CFAP69: variants seen among roughly 807,000 people sequenced by gnomAD.
CFAP69 encodes cilia- and flagella-associated protein 69.
Under a neutral mutation model 123.0 loss-of-function variants are expected in CFAP69, and 92 were observed. The observed-to-expected ratio is 0.75, with a 90% CI of 0.63 to 0.89. The LOEUF (loss-of-function observed/expected upper bound fraction) is 0.89, where lower values mean the gene tolerates loss of function less well. Ranked by LOEUF, CFAP69 falls within the 40% of genes least tolerant of loss-of-function variation. The probability of loss-of-function intolerance (pLI) is 0.00; values close to 1 mark genes in which losing one functional copy is unlikely to be tolerated. For synonymous variants in CFAP69, 380 were observed against 364.3 expected (o/e 1.04, Z -0.49); for missense variants, 1,067 against 1,096.9 (o/e 0.97, Z 0.39).
At chr7:90,316,104 A>G in the CFAP69 span, among the ~76,000 whole-genome samples, 3 of 152,264 alleles carry the variant, frequency 2.0e-5, no homozygotes, top group African/African-American at 7.2e-5. Context: ...CAAAAAAAGA[A>G]AAAATAAAGA....
chr7:90,262,547 T>C (rs975215421), intron 4 of CFAP69, among the ~76,000 whole-genome samples: 1 of 152,114 alleles, frequency 6.6e-6, no homozygotes, highest in East Asian at 1.9e-4. Context: ...AGATAAGAAT[T>C]GTAAAATTAA....
intron 16 of CFAP69, among the ~76,000 whole-genome samples, chr7:90,298,435 C>T (rs192062558): frequency 3.3e-5 from 5 of 152,076 alleles, no homozygotes; most frequent in Admixed American, 1.3e-4. Context: ...TGGGAGGAAA[C>T]GTACAATTTT....
In CFAP69 at chr7:90,282,990, G is replaced by C; in HGVS notation, c.1471G>C (p.Val491Leu). The C allele has an allele frequency of 6.3e-7, 1 of 1,594,874 alleles. No individual in the cohort carries two copies. The highest frequency in any genetic ancestry group is 8.5e-7 in the Non-Finnish European group (1 of 1,171,496). Reference sequence around the variant, plus strand: ...CAGTTTAAGACTCCTGAGAGCCGTGGTCTACCTTGAAGATGAGACTGTAAA... The same window carrying C: ...CAGTTTAAGACTCCTGAGAGCCGTGCTCTACCTTGAAGATGAGACTGTAAA... ...RYSLRLLRAV[V>L]YLEDETVNKD... The change falls in exon 13 of 23, where the codon GTC becomes CTC. Residue 491 changes from valine (V) to leucine (L), a missense_variant. Coordinates refer to ENST00000389297, the MANE Select transcript of CFAP69 (RefSeq NM_001039706.3).
chr7:90,286,221 A>T, intron 13 of CFAP69, 60 bp from the exon 14 acceptor site: 1 of 1,364,676 alleles, frequency 7.3e-7, no homozygotes, highest in South Asian at 1.5e-5. Context: ...CCAAACAGTA[A>T]TTGATCAAAA....
At chr7:90,293,530 A>G (rs1268502368) in intron 15 of CFAP69, among the ~76,000 whole-genome samples, 2 of 152,138 alleles carry the variant, frequency 1.3e-5, no homozygotes, top group African/African-American at 2.4e-5. Flanking sequence ...ACTTGCTTAA[A>G]CCTTCAGCTT....
intron 15 of CFAP69, among the ~76,000 whole-genome samples, chr7:90,291,439 C>G (rs17861291): frequency 8.0e-4 from 122 of 152,162 alleles, no homozygotes; most frequent in African/African-American, 2.8e-3. Flanking sequence ...TGTTTTATCC[C>G]CAAGGTCTTC....
Position 90,245,439 on chromosome 7 carries a change from A to G in CFAP69, c.15A>G (p.Glu5=). 6.4e-7 allele frequency: 1 copy of G among 1,560,122 alleles called. No homozygotes were observed. Among genetic ancestry groups the G allele is most frequent in the South Asian group, 1.2e-5 (1 of 86,016 alleles). ...CGCCACCGGCCATGTGGACAGAGGAAGCCGGGGCGACCGCCGAGGCCCAGG... is the reference window on the plus strand; with the variant it reads ...CGCCACCGGCCATGTGGACAGAGGAGGCCGGGGCGACCGCCGAGGCCCAGG... MWTE[E]AGATAEAQES... is the part of the protein sequence containing the mutation. The change falls in exon 1 of 23, where the codon GAA becomes GAG. Residue 5 remains glutamate, a synonymous_variant. Coordinates refer to ENST00000389297, the MANE Select transcript of CFAP69 (RefSeq NM_001039706.3).
intron 15 of CFAP69, among the ~76,000 whole-genome samples, chr7:90,293,199 G>C (rs1411405576): frequency 6.6e-6 from 1 of 152,102 alleles, no homozygotes; most frequent in Non-Finnish European, 1.5e-5. Context: ...AATGCTTCCT[G>C]TATGATGTTT....
chr7:90,304,322 C>T, intron 18 of CFAP69: 1 of 1,281,144 alleles, frequency 7.8e-7, no homozygotes, highest in Non-Finnish European at 9.8e-7. Context: ...TTAAAGCTCC[C>T]CAGGCAATTC....
chr7:90,296,797 G>A (rs923702982), intron 15 of CFAP69, among the ~76,000 whole-genome samples: 1 of 152,126 alleles, frequency 6.6e-6, no homozygotes, highest in Admixed American at 6.5e-5. Flanking sequence ...GGTCAGAGGT[G>A]GATTCAGAAA....
At chr7:90,312,246 C>G (rs774313576), downstream of CFAP69, among the ~76,000 whole-genome samples, 13 of 152,172 alleles carry the variant, frequency 8.5e-5, no homozygotes, top group Non-Finnish European at 1.8e-4. Context: ...AAGTAATGCT[C>G]AACACAGACA....
chr7:90,307,872 TTA>T lies in CFAP69; in HGVS notation c.2550+21_2550+22del. On this transcript the variant is annotated intron_variant, in intron 21 of 22. Coordinates refer to ENST00000389297, the MANE Select transcript of CFAP69 (RefSeq NM_001039706.3). ...CGTTAAAGGTAGGATTTTTAATGTATTATAGTATCCACAACAAATAGCCAACT... is the reference window on the plus strand; with the variant it reads ...CGTTAAAGGTAGGATTTTTAATGTATTAGTATCCACAACAAATAGCCAACT... 6.6e-7 allele frequency: 1 copy of T among 1,511,976 alleles called. No individual in the cohort carries two copies. The highest frequency in any genetic ancestry group is 9.1e-7 in the Non-Finnish European group (1 of 1,101,978). 93.7% of individuals were successfully genotyped at this position (1,511,976 alleles called of 1,614,324 possible). A position where few individuals can be genotyped will look rare whatever the true frequency, so the allele number is the denominator to read the frequency against.
chr7:90,318,871 C>T, the CFAP69 span: 1 of 152,090 alleles, frequency 6.6e-6, no homozygotes, highest in East Asian at 1.9e-4. Flanking sequence ...TACATGTTTT[C>T]TCTTAAATGT....
At chr7:90,318,519 T>G in the CFAP69 span, 1 of 152,140 alleles carries the variant, frequency 6.6e-6, no homozygotes, top group Non-Finnish European at 1.5e-5. Flanking sequence ...TTTAGGATAA[T>G]ACTGCCATTA....
downstream of CFAP69, chr7:90,312,831 A>G (rs1212879978): frequency 2.0e-5 from 3 of 152,150 alleles, no homozygotes; most frequent in East Asian, 5.8e-4. Flanking sequence ...TTCAAACTGA[A>G]ACTTTTACTA....
chr7:90,282,822 G>T (rs1225460216), intron 12 of CFAP69, 70 bp from the exon 13 acceptor site: 40 of 1,226,910 alleles, frequency 3.3e-5, no homozygotes, highest in Non-Finnish European at 4.3e-5. Flanking sequence ...TTTGATAGAT[G>T]TATAAGATAT....
intron 14 of CFAP69, among the ~76,000 whole-genome samples, chr7:90,287,180 G>A (rs531955524): frequency 1.3e-5 from 2 of 151,492 alleles, no homozygotes; most frequent in South Asian, 4.2e-4. Flanking sequence ...TCCATTGTGT[G>A]ACTATGCCAA....
At chr7:90,268,260 A>C in intron 5 of CFAP69, 26 bp from the exon 6 acceptor site, 1 of 1,461,846 alleles carries the variant, frequency 6.8e-7, no homozygotes, top group Non-Finnish European at 9.5e-7. Flanking sequence ...GTGTTGTTAA[A>C]TAGCACCTGT....
chr7:90,271,934 A>C lies in CFAP69; in HGVS notation c.836A>C (p.Gln279Pro). ...EKSSKEEVIQ[Q>P]LSNLECLLAL... ...TCTTCAAAAGAAGAAGTCATACAAC[A>C]GCTTAGTAACTTGGAATGTTTGCTG... The change falls in exon 8 of 23, where the codon CAG becomes CCG. Residue 279 changes from glutamine (Q) to proline (P), a missense_variant. Transcript: ENST00000389297. 6.2e-7 allele frequency: 1 copy of C among 1,612,126 alleles called. No individual in the cohort carries two copies.
Sources: allele counts gnomAD v4.1 joint callset (sites outside exome capture counted in the v4.1 genomes callset), GRCh38; gene constraint gnomAD v4.1.1; transcripts MANE v1.5; gene names NCBI Gene and HGNC (gene_info 2026-07-23, HGNC 2026-07-21).